The following GLIS3 variants were observed in gnomAD, a reference collection of about 807,000 sequenced individuals.
GLIS3 encodes the protein zinc finger protein GLIS3.
GLIS3 carries 53 observed loss-of-function variants against 78.6 expected under a neutral mutation model. The ratio of observed to expected loss-of-function variants is 0.67; its 90% CI spans 0.54 to 0.85. GLIS3 has a LOEUF of 0.85. Among genes scored for constraint, GLIS3 ranks in the 40% least tolerant of loss-of-function variants. The pLI is 0.00. For synonymous variants in GLIS3, 684 were observed against 509.9 expected (o/e 1.34, Z -4.60); for missense variants, 1,703 against 1,231.1 (o/e 1.38, Z -5.74).
chr9:3,934,003 C>T (rs191924034), intron 5 of GLIS3, among the ~76,000 whole-genome samples: 5 of 152,282 alleles, frequency 3.3e-5, no homozygotes, highest in East Asian at 3.9e-4. Flanking sequence ...AGTATGCTTC[C>T]GGGATGTGCT....
chr9:3,902,621 C>T (rs929058538), intron 6 of GLIS3, among the ~76,000 whole-genome samples: 2 of 152,126 alleles, frequency 1.3e-5, no homozygotes, highest in African/African-American at 4.8e-5. Context: ...TCAGAATCAC[C>T]TGCAGCGCCC....
intron 4 of GLIS3, among the ~76,000 whole-genome samples, chr9:3,954,431 T>G (rs575209551): frequency 6.6e-6 from 1 of 152,236 alleles, no homozygotes; most frequent in African/African-American, 2.4e-5. Flanking sequence ...TAGCACAAAG[T>G]GCAGTAACAG....
intron 4 of GLIS3, chr9:4,054,603 G>T: frequency 2.5e-6 from 1 of 393,034 alleles, no homozygotes; most frequent in Non-Finnish European, 3.5e-6. Flanking sequence ...GACATTCAGA[G>T]CTTAAAGATC....
chr9:4,486,836 T>G, the GLIS3 span, among the ~76,000 whole-genome samples: 2 of 152,160 alleles, frequency 1.3e-5, no homozygotes, highest in Non-Finnish European at 2.9e-5. Flanking sequence ...ACTACAGGCA[T>G]GTGCCATCAT....
At chr9:4,451,118 G>C in the GLIS3 span, among the ~76,000 whole-genome samples, 3 of 152,142 alleles carry the variant, frequency 2.0e-5, no homozygotes, top group Non-Finnish European at 4.4e-5. Context: ...CATGTGCAGA[G>C]ACATACATAG....
At chr9:4,149,714 A>G (rs77235874) in intron 2 of GLIS3, among the ~76,000 whole-genome samples, 6,387 of 152,266 alleles carry the variant, frequency 0.042, 206 homozygotes, top group Non-Finnish European at 0.065. Context: ...CATGAAATTC[A>G]TTTGTTATCT....
chr9:4,279,944 TATA>T (rs770510538), intron 2 of GLIS3, among the ~76,000 whole-genome samples: 14 of 152,020 alleles, frequency 9.2e-5, no homozygotes, highest in East Asian at 1.9e-4. Flanking sequence ...ATAAATCTGA[TATA>T]ATAATTTATA....
chr9:4,255,275 G>A (rs1160278073), intron 2 of GLIS3, among the ~76,000 whole-genome samples: 1 of 152,162 alleles, frequency 6.6e-6, no homozygotes, highest in Non-Finnish European at 1.5e-5. Flanking sequence ...TATGCAAAAT[G>A]GTACAGCTAC....
At chr9:4,379,662 G>T in the GLIS3 span, among the ~76,000 whole-genome samples, 13 of 152,120 alleles carry the variant, frequency 8.5e-5, no homozygotes, top group African/African-American at 2.9e-4. Flanking sequence ...ATGACTATTT[G>T]CTTCACTTCA....
At chr9:4,428,441 T>C in the GLIS3 span, among the ~76,000 whole-genome samples, 49 of 140,812 alleles carry the variant, frequency 3.5e-4, no homozygotes, top group African/African-American at 1.3e-3. Context: ...ATTGTACCAC[T>C]GTACTGTACT....
chr9:3,979,398 C>T (rs1014183282), intron 4 of GLIS3, among the ~76,000 whole-genome samples: 1 of 152,214 alleles, frequency 6.6e-6, no homozygotes, highest in African/African-American at 2.4e-5. Context: ...TTCATGTTGT[C>T]TTAACACTGA....
At chr9:4,404,025 G>T in the GLIS3 span, among the ~76,000 whole-genome samples, 18 of 151,956 alleles carry the variant, frequency 1.2e-4, no homozygotes, top group Non-Finnish European at 2.2e-4. Context: ...ATAAAGAGAT[G>T]GAAAAAGATA....
Position 3,893,193 on chromosome 9 carries a change from TCTC to T in GLIS3, c.2128+5495_2128+5497del, listed in dbSNP as rs1274727000. 1.4e-4 allele frequency among the ~76,000 whole-genome samples: 21 copies of T among 152,324 alleles called. 1 individual carries two copies. The highest frequency in any genetic ancestry group is 2.2e-4 in the African/African-American group (9 of 41,576). On this transcript the variant is annotated intron_variant, in intron 7 of 10. Coordinates refer to ENST00000381971, the MANE Select transcript of GLIS3 (RefSeq NM_001042413.2). Reference sequence around the variant, plus strand: ...CAATTGCCCAGCCTCGCTACTTGCCTCTCCTCCTCAATGAGGTACGGAATTGTT... The same window carrying T: ...CAATTGCCCAGCCTCGCTACTTGCCTCTCCTCAATGAGGTACGGAATTGTT...
chr9:4,320,926 C>T (rs917489413), intron 2 of GLIS3, among the ~76,000 whole-genome samples: 5 of 152,070 alleles, frequency 3.3e-5, no homozygotes, highest in African/African-American at 1.2e-4. Context: ...GAAAGTCTGT[C>T]TCCTGCTTGA....
At chr9:4,408,826 T>C in the GLIS3 span, among the ~76,000 whole-genome samples, 2 of 151,856 alleles carry the variant, frequency 1.3e-5, no homozygotes, top group Admixed American at 6.6e-5. Context: ...TTGTACATCT[T>C]AAAATAACTA....
the GLIS3 span, among the ~76,000 whole-genome samples, chr9:4,354,852 C>G: frequency 6.6e-6 from 1 of 152,076 alleles, no homozygotes; most frequent in Admixed American, 6.5e-5. Context: ...CATGGTGGCT[C>G]ATGCCTGTAA....
intron 4 of GLIS3, among the ~76,000 whole-genome samples, chr9:3,998,360 C>T (rs990017170): frequency 6.6e-6 from 1 of 152,076 alleles, no homozygotes; most frequent in Admixed American, 6.6e-5. Flanking sequence ...TCTGAAATCA[C>T]CAATTCATTT....
intron 2 of GLIS3, among the ~76,000 whole-genome samples, chr9:4,281,502 C>G (rs958445222): frequency 6.6e-6 from 1 of 152,172 alleles, no homozygotes; most frequent in Non-Finnish European, 1.5e-5. Context: ...TTTGACCATT[C>G]CAGGAACTTC....
the GLIS3 span, among the ~76,000 whole-genome samples, chr9:4,450,537 A>G: frequency 6.6e-6 from 1 of 152,140 alleles, no homozygotes; most frequent in Non-Finnish European, 1.5e-5. Context: ...ACCCCAAGAC[A>G]CATAATTGTC....
Sources: gnomAD v4.1 joint callset for allele counts (sites outside exome capture counted in the v4.1 genomes callset) on GRCh38, gnomAD v4.1.1 for gene constraint, MANE v1.5 for transcripts, NCBI Gene and HGNC (gene_info 2026-07-23, HGNC 2026-07-21) for gene names.